TG: variants seen among roughly 807,000 people sequenced by gnomAD.
The protein encoded by TG is thyroglobulin, also known as thyroid hormones.
Under a neutral mutation model 324.7 loss-of-function variants are expected in TG, and 270 were observed. That is an observed-to-expected ratio of 0.83 (90% CI 0.75 to 0.92). The LOEUF (loss-of-function observed/expected upper bound fraction) is 0.92. TG is among the 40% of genes least tolerant of loss of function. TG has a pLI of 0.00. For missense variants in TG, 3,591 were observed against 3,456.4 expected, an observed-to-expected ratio of 1.04 and a Z score of -0.98; for synonymous variants, 1,401 against 1,327.0, an observed-to-expected ratio of 1.06 and a Z score of -1.21.
At chr8:133,004,105 GTC>G (rs2130849133) in intron 35 of TG, among the ~76,000 whole-genome samples, 1 of 152,326 alleles carries the variant, frequency 6.6e-6, no homozygotes, top group African/African-American at 2.4e-5. Flanking sequence ...ACCTCAATGA[GTC>G]TCTCTTCCTT....
At chr8:133,027,883 GACCGTAATTGCTTGGTAA>G (rs1055384594) in intron 40 of TG, among the ~76,000 whole-genome samples, 38 of 152,330 alleles carry the variant, frequency 2.5e-4, no homozygotes, top group Non-Finnish European at 8.8e-5. Context: ...AGACATGTTG[GACCGTAATTGCTTGGTAA>G]CTGCCTTCTG....
Position 133,110,036 on chromosome 8 carries a change from A to C in TG, c.7573-3386A>C, listed in dbSNP as rs143684954. Among the ~76,000 whole-genome samples, 20 of 152,262 alleles carry C rather than the reference A, an allele frequency of 1.3e-4. No individual in the cohort carries two copies. The East Asian group carries it at 3.7e-3, about 28-fold the overall frequency. On this transcript the variant is annotated intron_variant, in intron 43 of 47. Coordinates refer to ENST00000220616, the MANE Select transcript of TG (RefSeq NM_003235.5). ...CCAGATAGCGGGTGCTGGGACTTGG[A>C]GATCCTGGTGCCCAGACCTCAGTAT...
chr8:133,093,840 T>G (rs1847972563), intron 41 of TG, among the ~76,000 whole-genome samples: 1 of 152,142 alleles, frequency 6.6e-6, no homozygotes, highest in Admixed American at 6.5e-5. Flanking sequence ...CTAACATAAC[T>G]GTTACATGGG....
At chr8:132,886,218 G>A (rs193217130) in intron 8 of TG, among the ~76,000 whole-genome samples, 17 of 152,312 alleles carry the variant, frequency 1.1e-4, no homozygotes, top group Admixed American at 9.2e-4. Flanking sequence ...TCTAGTGAGA[G>A]CTGGTGGAGT....
intron 41 of TG, among the ~76,000 whole-genome samples, chr8:133,088,213 G>T (rs1846918918): frequency 1.3e-5 from 2 of 152,104 alleles, no homozygotes; most frequent in South Asian, 4.1e-4. Flanking sequence ...GTGTTTTTGA[G>T]CCCTATGGCA....
rs2979042 is a variant in TG at position 133,113,489 on chromosome 8, T to C, written c.7640T>C (p.Leu2547Pro). ...TAFYQALQNS[L>P]GGEDSDARVE... ...TTTTACCAGGCACTGCAGAATTCTCTGGGTGGCGAGGACTCAGATGCCCGC... is the reference window on the plus strand; with the variant it reads ...TTTTACCAGGCACTGCAGAATTCTCCGGGTGGCGAGGACTCAGATGCCCGC... Residue 2547 changes from leucine to proline, a missense_variant, in exon 44 of 48, where the codon CTG becomes CCG. Transcript: ENST00000220616. 6.2e-7 allele frequency: 1 copy of C among 1,614,086 alleles called. No individual in the cohort carries two copies. The highest frequency in any genetic ancestry group is 1.1e-5 in the South Asian group (1 of 91,084).
intron 11 of TG, among the ~76,000 whole-genome samples, chr8:132,894,456 G>T (rs1436841546): frequency 6.6e-6 from 1 of 151,484 alleles, no homozygotes; most frequent in South Asian, 2.1e-4. Context: ...CAGCTGAACA[G>T]TATGCTTTTT....
rs762606016 is a variant in TG, at chr8:133,050,946, C to T, written c.7239+20923C>T. 3.9e-5 allele frequency: 52 copies of T among 1,348,722 alleles called. No individual in the cohort carries two copies. The South Asian group carries it at 5.8e-4, about 15-fold the overall frequency. 83.5% of individuals were successfully genotyped at this position (1,348,722 alleles called of 1,614,324 possible). On this transcript the variant is annotated intron_variant, in intron 41 of 47. Transcript: ENST00000220616. ...GAAACAAAGGCAAGGGGGAAGGGGGCAAGGTGCTTTTTATTCACAAGGAGC... is the reference window on the plus strand; with the variant it reads ...GAAACAAAGGCAAGGGGGAAGGGGGTAAGGTGCTTTTTATTCACAAGGAGC...
At chr8:133,069,033 G>A (rs535434058) in intron 41 of TG, among the ~76,000 whole-genome samples, 33 of 152,224 alleles carry the variant, frequency 2.2e-4, no homozygotes, top group Admixed American at 7.9e-4. Flanking sequence ...TTTAATCCTA[G>A]CCATTACATA....
chr8:132,889,339 T>A (rs904874159), intron 10 of TG, among the ~76,000 whole-genome samples: 1 of 152,228 alleles, frequency 6.6e-6, no homozygotes, highest in African/African-American at 2.4e-5. Context: ...AATCTCTCAA[T>A]TCATTCTTTG....
At chr8:132,932,408 A>G (rs1182564771) in intron 23 of TG, among the ~76,000 whole-genome samples, 1 of 152,190 alleles carries the variant, frequency 6.6e-6, no homozygotes, top group Non-Finnish European at 1.5e-5. Flanking sequence ...GGGCTCAGGA[A>G]TTGGATTGCA....
In TG at chr8:132,871,505, G is replaced by A; in HGVS notation, c.432G>A (p.Glu144=). The A allele has an allele frequency of 1.2e-6, 2 of 1,614,204 alleles. No individual in the cohort carries two copies. The highest frequency in any genetic ancestry group is 1.7e-6 in the Non-Finnish European group (2 of 1,180,024). ...QQVQCWCVDA[E]GMEVYGTRQL... is the part of the protein sequence containing the mutation. The stretch of plus-strand genomic sequence containing the variant: ...TCCAGTGCTGGTGTGTGGACGCAGA[G>A]GGGATGGAGGTGTATGGGACCCGCC... The change falls in exon 4 of 48, where the codon GAG becomes GAA. Residue 144 remains glutamate (E), a synonymous_variant. Transcript: ENST00000220616.
At chr8:133,049,446 T>C in intron 41 of TG, 1 of 277,356 alleles carries the variant, frequency 3.6e-6, no homozygotes, top group South Asian at 3.7e-5. Context: ...GATCATATTA[T>C]CATATATTAT....
chr8:132,923,640 T>A, intron 22 of TG, 132 bp downstream of exon 22: 1 of 1,136,938 alleles, frequency 8.8e-7, no homozygotes, highest in Non-Finnish European at 1.2e-6. Context: ...TTAATCTGTG[T>A]AGAAGTTGGA....
intron 39 of TG, among the ~76,000 whole-genome samples, chr8:133,021,317 C>T (rs536096789): frequency 1.4e-4 from 22 of 152,146 alleles, no homozygotes; most frequent in Non-Finnish European, 2.2e-4. Flanking sequence ...GGAAAGGGGA[C>T]GCCAAGGACC....
intron 13 of TG, 76 bp from the exon 14 acceptor site, chr8:132,898,722 G>C (rs2132268108): frequency 3.1e-6 from 4 of 1,285,432 alleles, no homozygotes; most frequent in Non-Finnish European, 4.5e-6. Flanking sequence ...ACCCTTAAAG[G>C]TGGGGTCAGC....
At chr8:132,964,892 G>C (rs969632749) in intron 29 of TG, 1 of 702,296 alleles carries the variant, frequency 1.4e-6, no homozygotes, top group South Asian at 1.5e-5. Flanking sequence ...GCCAGGAAAG[G>C]TTTCTCGGAG....
intron 41 of TG, among the ~76,000 whole-genome samples, chr8:133,067,362 C>G (rs1426738255): frequency 3.3e-5 from 5 of 152,156 alleles, no homozygotes; most frequent in Non-Finnish European, 7.4e-5. Flanking sequence ...ACCAGGGGCT[C>G]TAGGGGCACT....
intron 20 of TG, among the ~76,000 whole-genome samples, chr8:132,917,143 T>G (rs1820453865): frequency 6.6e-6 from 1 of 151,640 alleles, no homozygotes. Context: ...AAATATTATA[T>G]GCCATGTTAC....
Sources: allele counts gnomAD v4.1 joint callset (sites outside exome capture counted in the v4.1 genomes callset), GRCh38; gene constraint gnomAD v4.1.1; transcripts MANE v1.5; gene names NCBI Gene and HGNC (gene_info 2026-07-23, HGNC 2026-07-21).